LOC728392: variants seen among roughly 807,000 people sequenced by gnomAD.
chr17:5,500,974 G>C, the LOC728392 span: 2 of 1,237,842 alleles, frequency 1.6e-6, no homozygotes, highest in Non-Finnish European at 2.1e-6. This position sits in a 1 kb window ranked among gnomAD's most constrained non-coding sequence, Gnocchi z 5.4. Context: ...ATCGCGGGTA[G>C]GTGGGTCAGC....
At chr17:5,499,874 C>G in the LOC728392 span, 13 of 985,864 alleles carry the variant, frequency 1.3e-5, no homozygotes, top group African/African-American at 3.5e-5. Context: ...GTCCCGGACA[C>G]TTCCAGGACG....
the LOC728392 span, chr17:5,500,182 C>T: frequency 1.0e-6 from 1 of 986,760 alleles, no homozygotes; most frequent in Non-Finnish European, 1.2e-6. This position sits in a 1 kb window ranked among gnomAD's most constrained non-coding sequence, Gnocchi z 5.4. Flanking sequence ...CCTGCCGGAC[C>T]CTCTCTAGAA....
chr17:5,500,396 A>G, the LOC728392 span: 165 of 1,092,022 alleles, frequency 1.5e-4, no homozygotes, highest in Admixed American at 1.8e-4. The surrounding 1 kb of genome is among the most constrained non-coding windows in gnomAD (Gnocchi z 5.4). Flanking sequence ...AGGTGCAAAC[A>G]GCACCCCTAT....
At chr17:5,500,380 A>G in the LOC728392 span, 3 of 1,075,744 alleles carry the variant, frequency 2.8e-6, no homozygotes, top group Non-Finnish European at 3.4e-6. This position sits in a 1 kb window ranked among gnomAD's most constrained non-coding sequence, Gnocchi z 5.4. Context: ...TCCACCCCTA[A>G]CCTGCAGGTG....
the LOC728392 span, chr17:5,500,178 G>C: frequency 1.0e-6 from 1 of 986,696 alleles, no homozygotes; most frequent in Non-Finnish European, 1.2e-6. This position sits in a 1 kb window ranked among gnomAD's most constrained non-coding sequence, Gnocchi z 5.4. Context: ...CCTCCCTGCC[G>C]GACCCTCTCT....
the LOC728392 span, chr17:5,499,610 G>A: frequency 1.4e-5 from 3 of 222,188 alleles, no homozygotes; most frequent in Admixed American, 2.1e-4. Flanking sequence ...TAAGCCTTTT[G>A]AGTCTTAAGA....
At chr17:5,499,842 T>G in the LOC728392 span, 1 of 985,674 alleles carries the variant, frequency 1.0e-6, no homozygotes. Flanking sequence ...GCCGGCGGGG[T>G]CTGCAGCCAC....
the LOC728392 span, chr17:5,500,090 C>A: frequency 1.0e-6 from 1 of 986,268 alleles, no homozygotes; most frequent in Non-Finnish European, 1.2e-6. The surrounding 1 kb of genome is among the most constrained non-coding windows in gnomAD (Gnocchi z 5.4). Flanking sequence ...GCCGCGCCAA[C>A]TCTGGGGCAC....
the LOC728392 span, chr17:5,500,311 G>A: frequency 9.8e-7 from 1 of 1,022,160 alleles, no homozygotes; most frequent in Non-Finnish European, 1.2e-6. This position sits in a 1 kb window ranked among gnomAD's most constrained non-coding sequence, Gnocchi z 5.4. Flanking sequence ...GAGTGGTAGG[G>A]GTCCAGGGGC....
chr17:5,500,659 C>T, the LOC728392 span: 2 of 1,273,528 alleles, frequency 1.6e-6, no homozygotes, highest in East Asian at 1.5e-4. The surrounding 1 kb of genome is among the most constrained non-coding windows in gnomAD (Gnocchi z 5.4). Flanking sequence ...GCGATGGCTG[C>T]GTAGATGAAG....
chr17:5,500,907 C>T, the LOC728392 span: 1 of 1,260,578 alleles, frequency 7.9e-7, no homozygotes, highest in Non-Finnish European at 1.0e-6. The surrounding 1 kb of genome is among the most constrained non-coding windows in gnomAD (Gnocchi z 5.4). Context: ...GGGGTCCGGG[C>T]GAATCTGCTC....
the LOC728392 span, chr17:5,500,973 A>T: frequency 8.1e-7 from 1 of 1,236,840 alleles, no homozygotes; most frequent in Non-Finnish European, 1.0e-6. This position sits in a 1 kb window ranked among gnomAD's most constrained non-coding sequence, Gnocchi z 5.4. Flanking sequence ...GATCGCGGGT[A>T]GGTGGGTCAG....
the LOC728392 span, chr17:5,500,332 T>C: frequency 9.6e-7 from 1 of 1,043,284 alleles, no homozygotes; most frequent in Non-Finnish European, 1.2e-6. This position sits in a 1 kb window ranked among gnomAD's most constrained non-coding sequence, Gnocchi z 5.4. Flanking sequence ...ATTCTAATTA[T>C]AAACGGGGCT....
At chr17:5,500,120 C>A in the LOC728392 span, 19 of 986,622 alleles carry the variant, frequency 1.9e-5, no homozygotes, top group Non-Finnish European at 2.3e-5. The surrounding 1 kb of genome is among the most constrained non-coding windows in gnomAD (Gnocchi z 5.4). Flanking sequence ...CTCCTGGGGG[C>A]GATGCAGCAT....
At chr17:5,499,791 A>C in the LOC728392 span, 6 of 985,824 alleles carry the variant, frequency 6.1e-6, no homozygotes, top group Non-Finnish European at 2.4e-6. Flanking sequence ...TAGGGCCCCC[A>C]GAGTCTCATC....
At chr17:5,500,161 C>T in the LOC728392 span, 12 of 986,586 alleles carry the variant, frequency 1.2e-5, no homozygotes, top group Non-Finnish European at 1.4e-5. The surrounding 1 kb of genome is among the most constrained non-coding windows in gnomAD (Gnocchi z 5.4). Flanking sequence ...CGGGCCAGGG[C>T]GCCGACCCTC....
chr17:5,500,661 T>C, the LOC728392 span: 31 of 1,273,914 alleles, frequency 2.4e-5, no homozygotes, highest in East Asian at 2.2e-3. The surrounding 1 kb of genome is among the most constrained non-coding windows in gnomAD (Gnocchi z 5.4). Flanking sequence ...GATGGCTGCG[T>C]AGATGAAGAT....
At chr17:5,500,304 T>C in the LOC728392 span, 1 of 1,012,604 alleles carries the variant, frequency 9.9e-7, no homozygotes, top group Non-Finnish European at 1.2e-6. This position sits in a 1 kb window ranked among gnomAD's most constrained non-coding sequence, Gnocchi z 5.4. Flanking sequence ...CGTCACAGAG[T>C]GGTAGGGGTC....
At chr17:5,500,485 C>G in the LOC728392 span, 8 of 1,154,296 alleles carry the variant, frequency 6.9e-6, no homozygotes, top group Non-Finnish European at 8.7e-6. The surrounding 1 kb of genome is among the most constrained non-coding windows in gnomAD (Gnocchi z 5.4). Context: ...AAACAAGCAT[C>G]GAAAGCTACA....
Sources: gnomAD v4.1 joint callset for allele counts on GRCh38, gnomAD v4.1.1 for gene constraint, Gnocchi (gnomAD v3.1) non-coding constraint, MANE v1.5 for transcripts.